Variants in CRLF2 observed in about 807,000 individuals in gnomAD.
The protein encoded by CRLF2 is cytokine receptor-like factor 2.
A neutral mutation model predicts 38.7 loss-of-function variants in CRLF2; 41 were observed. That is an observed-to-expected ratio of 1.06 (90% CI 0.83 to 1.37). The LOEUF (loss-of-function observed/expected upper bound fraction) is 1.37. Among genes scored for constraint, CRLF2 ranks in the 40% most tolerant of loss-of-function variants. The pLI, the probability that CRLF2 is intolerant of heterozygous loss-of-function variation, is 0.00. For missense variants in CRLF2, 377 were observed against 322.2 expected (o/e 1.17, Z -1.30); for synonymous variants, 140 against 128.8 (o/e 1.09, Z -0.59).
In CRLF2 at chrX:1,206,476, C is replaced by T; in HGVS notation, c.306G>A (p.Gly102=). The change falls in exon 3 of 8, where the codon GGG becomes GGA. Residue 102 remains glycine, a synonymous_variant. Coordinates refer to ENST00000400841, the MANE Select transcript of CRLF2 (RefSeq NM_022148.4). ...DDILYFSIRN[G]THPVFTASRW... ...GACTTGCGGTGAAAACGGGGTGCGT[C>T]CCATTCCTGATGGAGAAATAGAGAA... 5.0e-6 allele frequency: 8 copies of T among 1,613,536 alleles called. No homozygotes were observed. Among genetic ancestry groups the T allele is most frequent in the Admixed American group, 1.7e-5 (1 of 59,970 alleles).
Position 1,197,965 on chromosome X carries a change from G to A in CRLF2, c.646+597C>T, listed in dbSNP as rs186974914. Among the ~76,000 whole-genome samples the A allele has an allele frequency of 7.0e-3, 1,065 of 152,230 alleles. 9 individuals are homozygous for A. The highest frequency in any genetic ancestry group is 0.012 in the Non-Finnish European group (792 of 68,008). ...TGCAGGGAGCCGAGATCGCGCCACT[G>A]CACTCCAGCCTGGGCACCATGAGAA... is the stretch of plus-strand genomic sequence containing the variant. On this transcript the variant is annotated intron_variant, in intron 5 of 7. Transcript: ENST00000400841.
Position 1,199,368 on chromosome X carries a change from G to A in CRLF2, c.484-644C>T, listed in dbSNP as rs144453802. Among the ~76,000 whole-genome samples the A allele has an allele frequency of 3.6e-3, 544 of 151,922 alleles. 20 individuals are homozygous for A. Among genetic ancestry groups the A allele is most frequent in the Admixed American group, 0.032 (482 of 15,234 alleles). ...TGCCCAGGCTGGAGTGCAGTGGTGC[G>A]GTCTCGGCTCACTGCAACCTCTGCC... On this transcript the variant is annotated intron_variant, in intron 4 of 7. Coordinates refer to ENST00000400841, the MANE Select transcript of CRLF2 (RefSeq NM_022148.4).
At chrX:1,192,707 C>G (rs1250266459) in intron 7 of CRLF2, among the ~76,000 whole-genome samples, 7 of 90,608 alleles carry the variant, frequency 7.7e-5, no homozygotes, top group Admixed American at 5.1e-4. Flanking sequence ...CTTTTCTTTT[C>G]TTTTCTTTCT....
At chrX:1,195,976 ATATATATTTT>A (rs1327949866) in intron 6 of CRLF2, among the ~76,000 whole-genome samples, 7 of 139,700 alleles carry the variant, frequency 5.0e-5, no homozygotes, top group East Asian at 4.0e-4. Context: ...AATATATATT[ATATATATTTT>A]TATATATTTA....
At chrX:1,210,610 A>G (rs778928238) in intron 1 of CRLF2, among the ~76,000 whole-genome samples, 1 of 152,316 alleles carries the variant, frequency 6.6e-6, no homozygotes, top group African/African-American at 2.4e-5. Flanking sequence ...GCGCCCGGCC[A>G]AGTCTCTCAC....
chrX:1,199,136 G>A (rs758981098), intron 4 of CRLF2: 42 of 251,148 alleles, frequency 1.7e-4, no homozygotes, highest in African/African-American at 2.9e-4. Context: ...GTGACAGAGC[G>A]GGACTGTGTC....
intron 3 of CRLF2, among the ~76,000 whole-genome samples, chrX:1,203,825 A>T (rs1382431243): frequency 5.9e-5 from 9 of 152,146 alleles, no homozygotes; most frequent in African/African-American, 1.9e-4. Flanking sequence ...AGCCCAGGAA[A>T]CGCACCCAGT....
rs1267355353 is a variant in CRLF2, at chrX:1,198,353, C to A, written c.646+209G>T. 1.4e-5 allele frequency among the ~76,000 whole-genome samples: 2 copies of A among 141,264 alleles called. 1 individual carries two copies. Among genetic ancestry groups the A allele is most frequent in the Non-Finnish European group, 3.1e-5 (2 of 64,780 alleles). 92.7% of individuals were successfully genotyped at this position (141,264 alleles called of 152,430 possible). A position where few individuals can be genotyped will look rare whatever the true frequency, so the allele number is the denominator to read the frequency against. On this transcript the variant is annotated intron_variant, in intron 5 of 7. Coordinates refer to ENST00000400841, the MANE Select transcript of CRLF2 (RefSeq NM_022148.4). The stretch of plus-strand genomic sequence containing the variant: ...CCCTCCCACCTCGAAGGCAGGACAG[C>A]CTCCCTCCCACCTCCCGGGAAGATA...
rs769325002 is a variant in CRLF2 at position 1,206,574 on chromosome X, G to C, written c.208C>G (p.Gln70Glu). Residue 70 changes from glutamine to glutamate, a missense_variant, in exon 3 of 8, where the codon CAG becomes GAG. Transcript: ENST00000400841. ...YRFNGDEAYDQCTNYLLQEGH... is the reference protein window; with the variant it reads ...YRFNGDEAYDECTNYLLQEGH... ...TCCTGGAGAAGGTAGTTGGTGCACT[G>C]GTCATAGGCCTCATCACCGTTGAAT... The C allele has an allele frequency of 6.2e-7, 1 of 1,613,592 alleles. No individual in the cohort carries two copies. Among genetic ancestry groups the C allele is most frequent in the Admixed American group, 1.7e-5 (1 of 59,994 alleles).
chrX:1,206,520 C>T lies in CRLF2; in HGVS notation c.262G>A (p.Ala88Thr), dbSNP rs2147849376. The stretch of plus-strand genomic sequence containing the variant: ...TAGAGAATGTCGTCTCGCTGCTCTG[C>T]GTCTAGGAGGCACCCCGAAGTGTGA... Reference protein sequence around the residue: ...EGHTSGCLLDAEQRDDILYFS... With the variant: ...EGHTSGCLLDTEQRDDILYFS... The change falls in exon 3 of 8, where the codon GCA becomes ACA. Residue 88 changes from alanine (A) to threonine (T), a missense_variant. By Grantham distance (58) the Ala-to-Thr change is moderately conservative (BLOSUM62 0). Transcript: ENST00000400841. The T allele has an allele frequency of 6.2e-7, 1 of 1,613,484 alleles. No homozygotes were observed. Among genetic ancestry groups the T allele is most frequent in the Non-Finnish European group, 8.5e-7 (1 of 1,179,468 alleles).
chrX:1,194,381 G>A lies in CRLF2; in HGVS notation c.768-1079C>T, dbSNP rs1488577857. 6.5e-3 allele frequency among the ~76,000 whole-genome samples: 988 copies of A among 152,188 alleles called. 8 individuals are homozygous for A. Among genetic ancestry groups the A allele is most frequent in the African/African-American group, 0.023 (938 of 41,538 alleles). On this transcript the variant is annotated intron_variant, in intron 6 of 7. Coordinates refer to ENST00000400841, the MANE Select transcript of CRLF2 (RefSeq NM_022148.4). ...GGAGGCTAAGGCAGGAGAATCGCTT[G>A]AGCCTGGGAGGTGGAGTTTGCAGTG...
At chrX:1,199,239 A>T (rs1429681435) in intron 4 of CRLF2, 1 of 157,704 alleles carries the variant, frequency 6.3e-6, no homozygotes. Context: ...GGCCTCCAAC[A>T]GTACTGGGAT....
At chrX:1,191,988 G>A (rs1351129633) in intron 7 of CRLF2, among the ~76,000 whole-genome samples, 103,741 of 143,886 alleles carry the variant, frequency 0.72, 37,833 homozygotes, top group East Asian at 0.96. Context: ...GGTGGATCAT[G>A]AGGTGAGGAG....
intron 6 of CRLF2, 31 bp from the exon 7 acceptor site, chrX:1,193,333 C>T (rs1324095267): frequency 7.5e-6 from 3 of 398,546 alleles, no homozygotes; most frequent in East Asian, 3.6e-5. Context: ...GTGGTCAGGT[C>T]GGCCACAGCC....
chrX:1,202,921 C>T (rs1202868346), intron 3 of CRLF2, among the ~76,000 whole-genome samples: 2 of 151,744 alleles, frequency 1.3e-5, no homozygotes, highest in East Asian at 1.9e-4. Context: ...CCAGCCTGGC[C>T]AATATGCTAA....
chrX:1,197,961 C>T (rs1352372490), intron 5 of CRLF2, among the ~76,000 whole-genome samples: 1 of 152,106 alleles, frequency 6.6e-6, no homozygotes, highest in African/African-American at 2.4e-5. Flanking sequence ...GAGATCGCGC[C>T]ACTGCACTCC....
At chrX:1,207,498 TCCAC>T (rs2086712442) in intron 2 of CRLF2, among the ~76,000 whole-genome samples, 2 of 37,850 alleles carry the variant, frequency 5.3e-5, no homozygotes, top group Non-Finnish European at 9.4e-5. Context: ...CCTCAGGTGA[TCCAC>T]CCCCCCCCCC....
intron 1 of CRLF2, among the ~76,000 whole-genome samples, chrX:1,209,993 A>G (rs1302091381): frequency 5.3e-5 from 8 of 151,552 alleles, no homozygotes; most frequent in Non-Finnish European, 1.2e-4. Flanking sequence ...AATCCCAGCT[A>G]CCTGGGAGGC....
Position 1,212,140 on chromosome X carries a change from AATAG to A in CRLF2, c.79+412_79+415del, listed in dbSNP as rs1450841004. Among the ~76,000 whole-genome samples the A allele has an allele frequency of 5.3e-4, 81 of 151,998 alleles. 1 individual carries two copies. Among genetic ancestry groups the A allele is most frequent in the Non-Finnish European group, 8.2e-4 (56 of 67,954 alleles). On this transcript the variant is annotated intron_variant, in intron 1 of 7. Coordinates refer to ENST00000400841, the MANE Select transcript of CRLF2 (RefSeq NM_022148.4). ...TATATTAGTGGATGGATCAATGAAT[AATAG>A]ATGGATGGATAGTGGATGGATGGGT... is the stretch of plus-strand genomic sequence containing the variant.
Sources: allele counts gnomAD v4.1 joint callset (sites outside exome capture counted in the v4.1 genomes callset), GRCh38; gene constraint gnomAD v4.1.1; transcripts MANE v1.5; gene names NCBI Gene and HGNC (gene_info 2026-07-23, HGNC 2026-07-21).